NF1: variants seen among roughly 807,000 people sequenced by gnomAD.
The protein encoded by NF1 is neurofibromin 1.
In NF1, 122 loss-of-function variants were observed where a neutral mutation model predicts 325.7. That is an observed-to-expected ratio of 0.37 (90% CI 0.32 to 0.44). The LOEUF (loss-of-function observed/expected upper bound fraction) is 0.44, where lower values mean the gene tolerates loss of function less well. NF1 is among the 20% of genes least tolerant of loss of function. The pLI, the probability that NF1 is intolerant of heterozygous loss-of-function variation, is 1.00. For missense variants in NF1, 2,140 were observed against 3,415.4 expected (o/e 0.63, Z 9.31); for synonymous variants, 1,091 against 1,186.0 (o/e 0.92, Z 1.65).
chr17:31,259,149 C>G lies in NF1; in HGVS notation c.4430+20C>G, dbSNP rs2151463278. On this transcript the variant is annotated intron_variant, in intron 33 of 57. Coordinates refer to ENST00000358273, the MANE Select transcript of NF1 (RefSeq NM_001042492.3). ...ACGCAGGTAATTTTCTTGCCACTTACTCAGTTGCTCTGTTTGAATCAAATA... is the reference window on the plus strand; with the variant it reads ...ACGCAGGTAATTTTCTTGCCACTTAGTCAGTTGCTCTGTTTGAATCAAATA... The G allele has an allele frequency of 6.7e-7, 1 of 1,491,102 alleles. No homozygotes were observed. The highest frequency in any genetic ancestry group is 9.3e-7 in the Non-Finnish European group (1 of 1,076,034). 92.4% of individuals were successfully genotyped at this position (1,491,102 alleles called of 1,614,324 possible).
In NF1 at chr17:31,327,758, C is replaced by A. The variant is rs1567612632; in HGVS notation, c.5528C>A (p.Thr1843Asn). The change falls in exon 38 of 58, where the codon ACC (threonine) becomes AAC (asparagine). Residue 1843 changes from threonine (T) to asparagine (N), a missense_variant. Transcript: ENST00000358273. The stretch of plus-strand genomic sequence containing the variant: ...CAGCCCGACTCTATCCCCCAACACA[C>A]CAAGATTCGGCCAAAAGATGTCCCT... ...LSQPDSIPQH[T>N]KIRPKDVPGT... 4 of 1,614,076 alleles carry A rather than the reference C, an allele frequency of 2.5e-6. No individual in the cohort carries two copies. Among genetic ancestry groups the A allele is most frequent in the Non-Finnish European group, 3.4e-6 (4 of 1,179,952 alleles).
chr17:31,349,724 C>G (rs1387386528), intron 49 of NF1, among the ~76,000 whole-genome samples: 1 of 152,174 alleles, frequency 6.6e-6, no homozygotes, highest in Non-Finnish European at 1.5e-5. Flanking sequence ...TCTGCCCTAT[C>G]CCCACCATTC....
At chr17:31,247,739 T>C (rs1362618413) in intron 29 of NF1, among the ~76,000 whole-genome samples, 1 of 152,204 alleles carries the variant, frequency 6.6e-6, no homozygotes, top group Non-Finnish European at 1.5e-5. Context: ...AGGTGAAAAA[T>C]GTTTAATGTT....
At chr17:31,293,868 A>G (rs1411807590) in intron 36 of NF1, among the ~76,000 whole-genome samples, 2 of 152,188 alleles carry the variant, frequency 1.3e-5, no homozygotes, top group African/African-American at 4.8e-5. Flanking sequence ...TCACTAATTC[A>G]TAAGTTGGCT....
chr17:31,194,538 A>G (rs775313214), intron 8 of NF1, among the ~76,000 whole-genome samples: 7 of 152,192 alleles, frequency 4.6e-5, no homozygotes, highest in East Asian at 1.9e-4. Flanking sequence ...AGGATGTTGA[A>G]TGTTCCCAGC....
At chr17:31,106,498 C>T (rs1912877427) in intron 1 of NF1, among the ~76,000 whole-genome samples, 1 of 152,206 alleles carries the variant, frequency 6.6e-6, no homozygotes, top group South Asian at 2.1e-4. Context: ...TGTCTTGACC[C>T]TTAGATCACT....
At chr17:31,113,589 G>A (rs985550271) in intron 1 of NF1, among the ~76,000 whole-genome samples, 1 of 152,138 alleles carries the variant, frequency 6.6e-6, no homozygotes, top group Non-Finnish European at 1.5e-5. Flanking sequence ...GAGTGCAGTG[G>A]TGCAATCATG....
intron 36 of NF1, among the ~76,000 whole-genome samples, chr17:31,281,949 ACTC>A (rs1038645605): frequency 1.6e-4 from 25 of 151,664 alleles, no homozygotes; most frequent in African/African-American, 6.1e-4. Context: ...AGTCCCAACT[ACTC>A]AGGAGGCTGA....
intron 1 of NF1, among the ~76,000 whole-genome samples, chr17:31,144,186 A>G (rs1053994963): frequency 6.6e-6 from 1 of 152,200 alleles, no homozygotes; most frequent in Admixed American, 6.5e-5. Flanking sequence ...AATTAACTTC[A>G]GAATCAGCTT....
rs752055412 is a variant in NF1, at chr17:31,259,049, C to A, written c.4350C>A (p.Ala1450=). 6.3e-7 allele frequency: 1 copy of A among 1,599,202 alleles called. No homozygotes were observed. Among genetic ancestry groups the A allele is most frequent in the Non-Finnish European group, 8.5e-7 (1 of 1,170,826 alleles). The change falls in exon 33 of 58, where the codon GCC becomes GCA. Residue 1450 remains alanine, a synonymous_variant. Transcript: ENST00000358273. ...KLMSKILQSI[A]NHVLFTKEEH... Reference sequence around the variant, plus strand: ...TTGTGTAGATACTTCAGAGTATTGCCAATCATGTTCTCTTCACAAAAGAAG... The same window carrying A: ...TTGTGTAGATACTTCAGAGTATTGCAAATCATGTTCTCTTCACAAAAGAAG...
At chr17:31,140,050 G>A (rs1916105506) in intron 1 of NF1, among the ~76,000 whole-genome samples, 1 of 152,160 alleles carries the variant, frequency 6.6e-6, no homozygotes, top group South Asian at 2.1e-4. Context: ...TAGCAAGCAT[G>A]TACTAATTGC....
intron 29 of NF1, among the ~76,000 whole-genome samples, chr17:31,245,861 C>G (rs1465101832): frequency 1.3e-5 from 2 of 152,170 alleles, no homozygotes; most frequent in East Asian, 3.8e-4. Context: ...CCTCTCTCCT[C>G]TCCTTGGAGG....
Position 31,301,371 on chromosome 17 carries a change from A to G in NF1, c.4836-24449A>G, listed in dbSNP as rs571878763. Among the ~76,000 whole-genome samples, 26 of 152,044 alleles carry G rather than the reference A, an allele frequency of 1.7e-4. No individual in the cohort carries two copies. The South Asian group carries it at 5.2e-3, about 30-fold the overall frequency. ...GGATCAAATTTTTTCTTTTTTCCAGATGTCTATCCAATTGTTCCAATGCTT... is the reference window on the plus strand; with the variant it reads ...GGATCAAATTTTTTCTTTTTTCCAGGTGTCTATCCAATTGTTCCAATGCTT... On this transcript the variant is annotated intron_variant, in intron 36 of 57. Transcript: ENST00000358273.
chr17:31,264,480 T>C (rs758852961), intron 35 of NF1, among the ~76,000 whole-genome samples: 3 of 151,834 alleles, frequency 2.0e-5, no homozygotes, highest in Non-Finnish European at 4.4e-5. Flanking sequence ...ATACAGTCAG[T>C]ATAGACAGAT....
At chr17:31,369,718 T>C (rs2070596727) in intron 57 of NF1, among the ~76,000 whole-genome samples, 2 of 152,220 alleles carry the variant, frequency 1.3e-5, no homozygotes, top group Admixed American at 6.5e-5. Flanking sequence ...TAACTTAAAA[T>C]ATGGCATATA....
chr17:31,182,991 A>T, intron 8 of NF1: 1 of 568,046 alleles, frequency 1.8e-6, no homozygotes, highest in Admixed American at 3.3e-5. Context: ...GCCCTACTTG[A>T]GTTCATCACT....
intron 8 of NF1, among the ~76,000 whole-genome samples, chr17:31,192,100 AAG>A (rs1370391337): frequency 5.9e-5 from 9 of 152,224 alleles, no homozygotes; most frequent in African/African-American, 2.2e-4. Context: ...GAAATGTACA[AAG>A]AATGTAACAG....
At chr17:31,219,679 A>G (rs2066889080) in intron 14 of NF1, among the ~76,000 whole-genome samples, 1 of 130,584 alleles carries the variant, frequency 7.7e-6, no homozygotes, top group Non-Finnish European at 1.5e-5. Flanking sequence ...AACTATAGCT[A>G]CTCTCTAATC....
intron 36 of NF1, among the ~76,000 whole-genome samples, chr17:31,307,136 T>C (rs1457597956): frequency 6.6e-6 from 1 of 152,074 alleles, no homozygotes; most frequent in African/African-American, 2.4e-5. Context: ...GATTCTCCTC[T>C]CTCAGCCTCC....
Sources: gnomAD v4.1 joint callset for allele counts (sites outside exome capture counted in the v4.1 genomes callset) on GRCh38, gnomAD v4.1.1 for gene constraint, MANE v1.5 for transcripts, NCBI Gene and HGNC (gene_info 2026-07-23, HGNC 2026-07-21) for gene names.